Variants in C3orf33 observed in about 807,000 individuals in gnomAD.
C3orf33 encodes AP-1 activity suppressor.
C3orf33 carries 23 observed loss-of-function variants against 28.7 expected under a neutral mutation model. The observed-to-expected ratio is 0.80, with a 90% CI of 0.58 to 1.13. C3orf33 has a LOEUF of 1.13. Among genes scored for constraint, C3orf33 ranks in the 50% most tolerant of loss-of-function variants. C3orf33 has a pLI of 0.00. For synonymous variants in C3orf33, 119 were observed against 120.5 expected, an observed-to-expected ratio of 0.99 and a Z score of 0.08; for missense variants, 327 against 353.4, an observed-to-expected ratio of 0.93 and a Z score of 0.60.
chr3:155,764,274 G>T (rs547613643), intron 4 of C3orf33, among the ~76,000 whole-genome samples: 9 of 152,268 alleles, frequency 5.9e-5, no homozygotes, highest in Middle Eastern at 3.4e-3. Flanking sequence ...AGTGACAGTA[G>T]GACCAGCAAA....
chr3:155,763,774 T>C lies in C3orf33; in HGVS notation c.628A>G (p.Lys210Glu), dbSNP rs750597545. Residue 210 changes from lysine (K) to glutamate (E), a missense_variant, in exon 5 of 5, where the codon AAA (lysine) becomes GAA (glutamate). By Grantham distance (56) the Lys-to-Glu change is moderately conservative. Transcript: ENST00000340171. ...NLLKAELTAL[K>E]KGEGIWKEDS... ...TCCTTCCATATTCCTTCTCCTTTTTTTAAGGCTGTTAATTCAGCTTTAAGT... is the reference window on the plus strand; with the variant it reads ...TCCTTCCATATTCCTTCTCCTTTTTCTAAGGCTGTTAATTCAGCTTTAAGT... 1.2e-6 allele frequency: 2 copies of C among 1,606,400 alleles called. No individual in the cohort carries two copies. Among genetic ancestry groups the C allele is most frequent in the South Asian group, 1.1e-5 (1 of 88,716 alleles).
intron 3 of C3orf33, among the ~76,000 whole-genome samples, chr3:155,770,987 T>TGTGG (rs1750566793): frequency 2.1e-5 from 3 of 144,616 alleles, no homozygotes; most frequent in Middle Eastern, 7.4e-3. Flanking sequence ...TGTGTGTGTG[T>TGTGG]GTGTGTTGAG....
At chr3:155,791,259 T>A (rs1751305865) in intron 2 of C3orf33, among the ~76,000 whole-genome samples, 1 of 151,976 alleles carries the variant, frequency 6.6e-6, no homozygotes, top group Non-Finnish European at 1.5e-5. Flanking sequence ...AAGAACCCAG[T>A]CCTGGCAGGA....
At position 155,763,585 on chromosome 3, in the gene C3orf33, T is replaced by C. The variant is rs865774212; in HGVS notation, c.817A>G (p.Asn273Asp). ...RTYEIWKDNM[N>D]NCSLILKFRE... ...AACTTCAGTATTAAGGAGCAGTTGT[T>C]CATGTTGTCTTTCCATATTTCATAA... Residue 273 changes from asparagine (N) to aspartate (D), a missense_variant, in exon 5 of 5, where the codon AAC becomes GAC. Asn to Asp is a conservative substitution (Grantham distance 23). Transcript: ENST00000340171. 3.2e-6 allele frequency: 5 copies of C among 1,577,806 alleles called. No individual in the cohort carries two copies. The African/African-American group carries it at 5.5e-5, about 17-fold the overall frequency.
intron 2 of C3orf33, among the ~76,000 whole-genome samples, chr3:155,784,535 T>C (rs1751039764): frequency 6.6e-6 from 1 of 150,872 alleles, no homozygotes; most frequent in Non-Finnish European, 1.5e-5. Flanking sequence ...AGGCCAGGAG[T>C]TCGAGACCAG....
chr3:155,769,184 T>C (rs957557864), intron 3 of C3orf33, among the ~76,000 whole-genome samples: 3 of 152,070 alleles, frequency 2.0e-5, no homozygotes, highest in African/African-American at 7.2e-5. Context: ...TGGTGGCACA[T>C]GCCTGTAATC....
In C3orf33 at chr3:155,772,811, T is replaced by TGC. The variant is rs1553770338; in HGVS notation, c.322+2888_322+2889dup. 2.9e-4 allele frequency among the ~76,000 whole-genome samples: 43 copies of TGC among 149,094 alleles called. No individual in the cohort carries two copies. In the South Asian group the frequency reaches 4.2e-3, roughly 15 times the overall value. On this transcript the variant is annotated intron_variant, in intron 3 of 4. Transcript: ENST00000340171. ...GTGTGTGTGTGTGTGTGTGTGTGTG[T>TGC]GCCTCCTCATTCATACATACCAAAA...
At chr3:155,804,546 C>T (rs1179916471) in intron 1 of C3orf33, among the ~76,000 whole-genome samples, 1 of 152,216 alleles carries the variant, frequency 6.6e-6, no homozygotes, top group Non-Finnish European at 1.5e-5. Context: ...TCTTACTCAA[C>T]TTTCCAGTAT....
At position 155,804,903 on chromosome 3, in the gene C3orf33, T is replaced by C. The variant is rs537010453; in HGVS notation, c.114+1236A>G. Among the ~76,000 whole-genome samples the C allele has an allele frequency of 1.2e-4, 18 of 152,320 alleles. No individual in the cohort carries two copies. In the South Asian group the frequency reaches 3.5e-3, roughly 30 times the overall value. On this transcript the variant is annotated intron_variant, in intron 1 of 4. Transcript: ENST00000340171. ...GCATCTACAATTCTGCTTAGAAGTC[T>C]AATAATGATCTCCAAATTTGCACAT... is the stretch of plus-strand genomic sequence containing the variant.
chr3:155,796,445 A>G (rs1187391172), intron 2 of C3orf33, among the ~76,000 whole-genome samples: 3 of 152,208 alleles, frequency 2.0e-5, no homozygotes, highest in Admixed American at 2.0e-4. Context: ...ATATTGTAAC[A>G]TGAAGAAATC....
In C3orf33 at chr3:155,763,664, T is replaced by C; in HGVS notation, c.738A>G (p.Thr246=). 1 of 1,596,506 alleles carries C rather than the reference T, an allele frequency of 6.3e-7. No homozygotes were observed. The highest frequency in any genetic ancestry group is 1.2e-5 in the South Asian group (1 of 85,652). ...CTTTTTTCAAGCTGAAATCTGATCCTGTTGTTTTTAAAAAACTGTCCTTTT... is the reference window on the plus strand; with the variant it reads ...CTTTTTTCAAGCTGAAATCTGATCCCGTTGTTTTTAAAAAACTGTCCTTTT... ...IWKKDSFLKT[T]GSDFSLKKES... Residue 246 remains threonine (T), a synonymous_variant, in exon 5 of 5, where the codon ACA becomes ACG. Transcript: ENST00000340171.
intron 3 of C3orf33, among the ~76,000 whole-genome samples, chr3:155,770,094 AC>A (rs1194325707): frequency 6.6e-6 from 1 of 152,166 alleles, no homozygotes; most frequent in Non-Finnish European, 1.5e-5. Context: ...GCAGGAGACT[AC>A]CTGACTTCAG....
At chr3:155,793,809 C>CAAAAAAAAAAAAAAAAAA (rs1176317323) in intron 2 of C3orf33, among the ~76,000 whole-genome samples, 2 of 37,432 alleles carry the variant, frequency 5.3e-5, no homozygotes, top group Non-Finnish European at 1.2e-4. Flanking sequence ...GACTCTGACT[C>CAAAAAAAAAAAAAAAAAA]AAAAAAAAAA....
At chr3:155,766,596 C>A (rs1750408482) in intron 4 of C3orf33, among the ~76,000 whole-genome samples, 1 of 152,210 alleles carries the variant, frequency 6.6e-6, no homozygotes, top group South Asian at 2.1e-4. Flanking sequence ...ATGTAATATA[C>A]CCATACATAA....
chr3:155,763,949 T>TC, intron 4 of C3orf33, 31 bp from the exon 5 acceptor site: 7 of 1,322,926 alleles, frequency 5.3e-6, no homozygotes, highest in African/African-American at 1.5e-5. Flanking sequence ...AAACCAATTA[T>TC]TTAAGATAAT....
At chr3:155,791,258 G>C (rs962734655) in intron 2 of C3orf33, among the ~76,000 whole-genome samples, 6 of 152,092 alleles carry the variant, frequency 3.9e-5, no homozygotes, top group Admixed American at 3.3e-4. Context: ...GAAGAACCCA[G>C]TCCTGGCAGG....
chr3:155,766,551 C>A (rs1257786864), intron 4 of C3orf33, among the ~76,000 whole-genome samples: 1 of 152,194 alleles, frequency 6.6e-6, no homozygotes, highest in Non-Finnish European at 1.5e-5. Flanking sequence ...AGCTAACAAG[C>A]CTCACTCAGC....
intron 3 of C3orf33, among the ~76,000 whole-genome samples, chr3:155,774,983 C>T (rs1407467078): frequency 6.6e-6 from 1 of 152,090 alleles, no homozygotes; most frequent in Non-Finnish European, 1.5e-5. Flanking sequence ...TCCCCAAGAC[C>T]ACCCAGAATT....
At position 155,763,292 on chromosome 3, in the gene C3orf33, C is replaced by T. The variant is rs2109246150; in HGVS notation, c.*225G>A. 1 of 349,852 alleles carries T rather than the reference C, an allele frequency of 2.9e-6. No individual in the cohort carries two copies. The highest frequency in any genetic ancestry group is 1.1e-4 in the South Asian group (1 of 9,008). The allele number at this position is 349,852 out of a possible 1,614,324, so 21.7% of individuals were successfully genotyped here. A position where few individuals can be genotyped will look rare whatever the true frequency, so the allele number is the denominator to read the frequency against. On this transcript the variant is annotated 3_prime_UTR_variant, in exon 5 of 5. Transcript: ENST00000340171. ...TAAATCATTCAGCCTGGTAACTTCT[C>T]ATAAAGTGTTTCATCCTTCCTAAAA...
Sources: allele counts gnomAD v4.1 joint callset (sites outside exome capture counted in the v4.1 genomes callset), GRCh38; gene constraint gnomAD v4.1.1; transcripts MANE v1.5; gene names NCBI Gene and HGNC (gene_info 2026-07-23, HGNC 2026-07-21).